TMCO4: variants seen among roughly 807,000 people sequenced by gnomAD.
The protein encoded by TMCO4 is transmembrane and coiled-coil domain-containing protein 4.
Under a neutral mutation model 64.7 loss-of-function variants are expected in TMCO4, and 58 were observed. The ratio of observed to expected loss-of-function variants is 0.90; its 90% CI spans 0.73 to 1.12. The LOEUF is 1.12. TMCO4 is among the 50% of genes most tolerant of loss of function. The pLI is 0.00. For synonymous variants in TMCO4, 325 were observed against 346.1 expected (o/e 0.94, Z 0.68); for missense variants, 780 against 825.9 (o/e 0.94, Z 0.68).
intron 6 of TMCO4, among the ~76,000 whole-genome samples, chr1:19,769,758 G>A (rs1489190155): frequency 6.6e-6 from 1 of 151,956 alleles, no homozygotes; most frequent in Non-Finnish European, 1.5e-5. Context: ...GAGCTCAGGA[G>A]GCAGCCCGCA....
At position 19,737,361 on chromosome 1, in the gene TMCO4, TCCATGCTCA is replaced by T. The variant is rs1557538296; in HGVS notation, c.1264+2_1264+10del. On this transcript the variant is annotated splice_donor_variant and splice_donor_5th_base_variant and intron_variant, in intron 13 of 15. Coordinates refer to ENST00000294543, the MANE Select transcript of TMCO4 (RefSeq NM_181719.7). LOFTEE classifies it high-confidence loss of function. ...GAAGGGTTTCCGTCTGTGACAATAA[TCCATGCTCA>T]CCTTTCTCTTGAGCCATCTCCTGCA... is the stretch of plus-strand genomic sequence containing the variant. 6.2e-7 allele frequency: 1 copy of T among 1,609,274 alleles called. No homozygotes were observed. Among genetic ancestry groups the T allele is most frequent in the East Asian group, 2.2e-5 (1 of 44,762 alleles).
chr1:19,688,862 T>C (rs2095170298), intron 15 of TMCO4, among the ~76,000 whole-genome samples: 1 of 152,224 alleles, frequency 6.6e-6, no homozygotes, highest in Non-Finnish European at 1.5e-5. Context: ...CTAGGCCACC[T>C]GGCATTTCTG....
intron 4 of TMCO4, among the ~76,000 whole-genome samples, chr1:19,779,417 C>T (rs2043355303): frequency 2.0e-5 from 3 of 152,320 alleles, no homozygotes; most frequent in Non-Finnish European, 2.9e-5. Context: ...CCGTTGGCCT[C>T]CTAACTGGCC....
intron 13 of TMCO4, among the ~76,000 whole-genome samples, chr1:19,703,108 T>C (rs531795665): frequency 1.3e-5 from 2 of 152,292 alleles, no homozygotes; most frequent in African/African-American, 4.8e-5. Context: ...GGTTACAGAT[T>C]TGGTGCTCAA....
At position 19,732,224 on chromosome 1, in the gene TMCO4, T is replaced by A. The variant is rs1029399197; in HGVS notation, c.1264+5148A>T. On this transcript the variant is annotated intron_variant, in intron 13 of 15. Coordinates refer to ENST00000294543, the MANE Select transcript of TMCO4 (RefSeq NM_181719.7). This position sits in a 1 kb window ranked among gnomAD's most constrained non-coding sequence, Gnocchi z 4.8. ...TTTTGCTCTGTCACCCAGGCTGGAG[T>A]GCAGTGGCACGATCATGGCTCACTG... 6.6e-6 allele frequency among the ~76,000 whole-genome samples: 1 copy of A among 152,104 alleles called. No individual in the cohort carries two copies. Among genetic ancestry groups the A allele is most frequent in the Non-Finnish European group, 1.5e-5 (1 of 68,028 alleles).
At chr1:19,781,848 G>A (rs1047575947) in intron 3 of TMCO4, among the ~76,000 whole-genome samples, 20 of 152,060 alleles carry the variant, frequency 1.3e-4, no homozygotes, top group Admixed American at 2.0e-4. Context: ...GGGTTTCACT[G>A]TGTTAGCCAG....
chr1:19,745,434 C>CTA lies in TMCO4; in HGVS notation c.877+96_877+97dup, dbSNP rs746953607. 65 of 1,571,188 alleles carry CTA rather than the reference C, an allele frequency of 4.1e-5. No individual in the cohort carries two copies. The African/African-American group carries it at 7.3e-4, about 18-fold the overall frequency. On this transcript the variant is annotated intron_variant, in intron 10 of 15. Transcript: ENST00000294543. ...TTCTTCCTCTGCGAAATGGGGCTCC[C>CTA]TATACCTGCTCCCTAGTGCAGGTAA...
intron 7 of TMCO4, 89 bp downstream of exon 7, chr1:19,755,545 T>TC (rs1242709286): frequency 6.4e-7 from 1 of 1,553,528 alleles, no homozygotes; most frequent in Non-Finnish European, 8.7e-7. Flanking sequence ...CTACACCATC[T>TC]CTTAAAGGGA....
intron 13 of TMCO4, among the ~76,000 whole-genome samples, chr1:19,702,002 C>T (rs1346670230): frequency 1.3e-5 from 2 of 152,054 alleles, no homozygotes; most frequent in African/African-American, 4.8e-5. Flanking sequence ...CAGAGTCTCG[C>T]TCTGTAGCCC....
intron 13 of TMCO4, among the ~76,000 whole-genome samples, chr1:19,723,396 C>T (rs1235624752): frequency 6.6e-6 from 1 of 152,248 alleles, no homozygotes; most frequent in Non-Finnish European, 1.5e-5. Flanking sequence ...CCCCATAGGC[C>T]CCCAGATCCA....
intron 14 of TMCO4, among the ~76,000 whole-genome samples, chr1:19,698,081 C>T (rs987440689): frequency 6.6e-6 from 1 of 152,176 alleles, no homozygotes; most frequent in Non-Finnish European, 1.5e-5. Flanking sequence ...ACCGGGAACT[C>T]GCTGCCACTC....
intron 14 of TMCO4, among the ~76,000 whole-genome samples, chr1:19,698,509 T>A (rs2095251181): frequency 6.6e-6 from 1 of 152,200 alleles, no homozygotes; most frequent in Non-Finnish European, 1.5e-5. Context: ...ACAAAGAGCT[T>A]TATTCATGTA....
At position 19,780,725 on chromosome 1, in the gene TMCO4, G is replaced by C. The variant is rs141904872; in HGVS notation, c.34C>G (p.Pro12Ala). The C allele has an allele frequency of 4.6e-5, 73 of 1,603,202 alleles. No individual in the cohort carries two copies. Among genetic ancestry groups the C allele is most frequent in the African/African-American group, 4.0e-5 (3 of 74,192 alleles). ...AMWNRPCQRLPQQPLVAEPTA... is the reference protein window; with the variant it reads ...AMWNRPCQRLAQQPLVAEPTA... Reference sequence around the variant, plus strand: ...GGCTCAGCTACCAGAGGCTGCTGAGGCAGCCTCTGGCATGGCCTGTTCCAC... The same window carrying C: ...GGCTCAGCTACCAGAGGCTGCTGAGCCAGCCTCTGGCATGGCCTGTTCCAC... Residue 12 changes from proline to alanine, a missense_variant, in exon 4 of 16, where the codon CCT (proline) becomes GCT (alanine). Coordinates refer to ENST00000294543, the MANE Select transcript of TMCO4 (RefSeq NM_181719.7).
chr1:19,768,740 G>A (rs2042851845), intron 6 of TMCO4, among the ~76,000 whole-genome samples: 1 of 152,162 alleles, frequency 6.6e-6, no homozygotes, highest in Non-Finnish European at 1.5e-5. Flanking sequence ...ACTCTTTGGA[G>A]CCTTAGAGCA....
intron 13 of TMCO4, among the ~76,000 whole-genome samples, chr1:19,707,465 A>G (rs1347880785): frequency 6.6e-6 from 1 of 152,166 alleles, no homozygotes; most frequent in Non-Finnish European, 1.5e-5. Flanking sequence ...TCTACTAAAA[A>G]CACAAAAATT....
At chr1:19,744,579 C>A (rs138954802) in intron 10 of TMCO4, among the ~76,000 whole-genome samples, 2 of 152,274 alleles carry the variant, frequency 1.3e-5, no homozygotes, top group African/African-American at 4.8e-5. Flanking sequence ...CTTGCCACAG[C>A]TCACATGCCC....
chr1:19,767,155 CA>C (rs2042773925), intron 6 of TMCO4, among the ~76,000 whole-genome samples: 1 of 152,322 alleles, frequency 6.6e-6, no homozygotes, highest in Admixed American at 6.5e-5. Flanking sequence ...TGACTAACAG[CA>C]GTTGTTTTAG....
chr1:19,700,795 G>T lies in TMCO4; in HGVS notation c.1355C>A (p.Ser452Tyr), dbSNP rs2095266690. The change falls in exon 14 of 16, where the codon TCC (serine) becomes TAC (tyrosine). Residue 452 changes from serine (S) to tyrosine (Y), a missense_variant. Physicochemically the swap from Ser to Tyr is moderately radical, Grantham distance 144 (BLOSUM62 -2). Coordinates refer to ENST00000294543, the MANE Select transcript of TMCO4 (RefSeq NM_181719.7). ...GCAGTAGCCGTTGATGATCCTCCCGGACACCACCTTCCGGAAAGGCTCCCA... is the reference window on the plus strand; with the variant it reads ...GCAGTAGCCGTTGATGATCCTCCCGTACACCACCTTCCGGAAAGGCTCCCA... The part of the protein sequence containing the change: ...KHWEPFRKVV[S>Y]GRIINGYCRG... The T allele has an allele frequency of 1.2e-6, 2 of 1,614,076 alleles. No individual in the cohort carries two copies. The highest frequency in any genetic ancestry group is 1.7e-6 in the Non-Finnish European group (2 of 1,180,038).
chr1:19,762,229 A>G (rs1483642851), intron 6 of TMCO4, among the ~76,000 whole-genome samples: 2 of 152,174 alleles, frequency 1.3e-5, no homozygotes, highest in Non-Finnish European at 2.9e-5. Flanking sequence ...TGTGAATCCT[A>G]TATTTTATGC....
Sources: allele counts gnomAD v4.1 joint callset (sites outside exome capture counted in the v4.1 genomes callset), GRCh38; gene constraint gnomAD v4.1.1; non-coding constraint Gnocchi (gnomAD v3.1); transcripts MANE v1.5; gene names NCBI Gene and HGNC (gene_info 2026-07-23, HGNC 2026-07-21).